Variants in BTD observed in about 807,000 individuals in gnomAD.
The protein encoded by BTD is biocytinase.
In BTD, 13 loss-of-function variants were observed where a neutral mutation model predicts 17.7. The ratio of observed to expected loss-of-function variants is 0.74; its 90% CI spans 0.48 to 1.17. The LOEUF (loss-of-function observed/expected upper bound fraction) is 1.17. BTD is among the 50% of genes most tolerant of loss of function. The pLI is 0.00. For synonymous variants in BTD, 240 were observed against 245.2 expected, an observed-to-expected ratio of 0.98 and a Z score of 0.20; for missense variants, 674 against 650.4, an observed-to-expected ratio of 1.04 and a Z score of -0.39.
intron 1 of BTD, among the ~76,000 whole-genome samples, chr3:15,629,386 C>G (rs1173130655): frequency 6.6e-6 from 1 of 152,204 alleles, no homozygotes; most frequent in Non-Finnish European, 1.5e-5. Flanking sequence ...TCTGTGTGTT[C>G]AAGCCTTCAG....
chr3:15,707,751 A>G (rs2071652193), intron 3 of BTD, among the ~76,000 whole-genome samples: 1 of 152,246 alleles, frequency 6.6e-6, no homozygotes, highest in South Asian at 2.1e-4. Flanking sequence ...GGTAGTAATA[A>G]CTATGATTTA....
upstream of BTD, chr3:15,601,619 G>T: frequency 1.9e-6 from 3 of 1,560,906 alleles, no homozygotes; most frequent in Non-Finnish European, 2.6e-6. Context: ...AGGAAGAGGC[G>T]GTCTAAATTC....
chr3:15,674,196 A>AG (rs1553573253), intron 3 of BTD, among the ~76,000 whole-genome samples: 1 of 130,170 alleles, frequency 7.7e-6, no homozygotes, highest in South Asian at 2.7e-4. Flanking sequence ...AAAAAAAAAA[A>AG]AAGAAGAAGA....
At chr3:15,602,785 C>G (rs186174564) in intron 1 of BTD, among the ~76,000 whole-genome samples, 1 of 152,100 alleles carries the variant, frequency 6.6e-6, no homozygotes, top group South Asian at 2.1e-4. Context: ...ACCCCTCAAC[C>G]CCACCCCAAG....
chr3:15,711,188 A>G, exon 4 of BTD: 1 of 1,589,062 alleles, frequency 6.3e-7, no homozygotes, highest in Middle Eastern at 1.7e-4. Context: ...TTTCTTAAAG[A>G]AATAAAAATA....
chr3:15,712,726 G>A (rs2072476136), exon 4 of BTD, among the ~76,000 whole-genome samples: 1 of 152,138 alleles, frequency 6.6e-6, no homozygotes, highest in African/African-American at 2.4e-5. Context: ...TTGCAAATAA[G>A]GAGAATGAAT....
chr3:15,669,923 C>T (rs1055197731), intron 3 of BTD: 16 of 177,604 alleles, frequency 9.0e-5, no homozygotes, highest in African/African-American at 3.8e-4. Flanking sequence ...AAATTTAAAT[C>T]TAGTGTCTTT....
At chr3:15,717,117 A>G (rs1481313686), downstream of BTD, among the ~76,000 whole-genome samples, 1 of 152,210 alleles carries the variant, frequency 6.6e-6, no homozygotes, top group Non-Finnish European at 1.5e-5. Context: ...CTCATAGCTA[A>G]TAAGTGATGA....
At position 15,645,239 on chromosome 3, in the gene BTD, C is replaced by T; in HGVS notation, c.1323C>T (p.Val441=). The T allele has an allele frequency of 6.2e-7, 1 of 1,614,170 alleles. No homozygotes were observed. Among genetic ancestry groups the T allele is most frequent in the Non-Finnish European group, 8.5e-7 (1 of 1,180,024 alleles). Residue 441 remains valine, a synonymous_variant, in exon 4 of 4, where the codon GTC becomes GTT. Coordinates refer to ENST00000643237, the MANE Select transcript of BTD (RefSeq NM_001370658.1). ...ACTACATCCAAGTGTGTGCCCTGGT[C>T]AGGTGTGGGGGTCTTGGCTTCGACA... ...GTYYIQVCAL[V]RCGGLGFDTC...
chr3:15,689,336 A>G (rs1213096656), intron 3 of BTD, among the ~76,000 whole-genome samples: 2 of 152,208 alleles, frequency 1.3e-5, no homozygotes, highest in Non-Finnish European at 2.9e-5. Context: ...TTCTGTCTGG[A>G]GAAATGCCTT....
At chr3:15,722,415 T>C (rs2073828210), downstream of BTD, among the ~76,000 whole-genome samples, 1 of 152,192 alleles carries the variant, frequency 6.6e-6, no homozygotes, top group African/African-American at 2.4e-5. Context: ...AAGGGAAATT[T>C]TGCCTTTAGA....
chr3:15,678,160 A>C (rs748128566), intron 3 of BTD: 2 of 1,527,694 alleles, frequency 1.3e-6, no homozygotes. Flanking sequence ...AGTTATACAT[A>C]AGTGATACAC....
exon 4 of BTD, among the ~76,000 whole-genome samples, chr3:15,711,799 G>T (rs886304762): frequency 1.3e-5 from 2 of 151,782 alleles, no homozygotes; most frequent in African/African-American, 4.8e-5. Flanking sequence ...CGATTCTCCT[G>T]CCTCAGCCTC....
chr3:15,641,078 G>A (rs978860449), intron 2 of BTD, among the ~76,000 whole-genome samples: 3 of 152,180 alleles, frequency 2.0e-5, no homozygotes, highest in East Asian at 1.9e-4. Flanking sequence ...TGATGCCCCA[G>A]CCCTGAGAGC....
chr3:15,652,801 A>G lies in BTD; in HGVS notation c.*7313A>G, dbSNP rs1199862068. ...CCTATACAGGTATCTCTCCCACTAT[A>G]TATATATCAAGTGCTATTAGTGGCT... On this transcript the variant is annotated 3_prime_UTR_variant, in exon 4 of 4. Transcript: ENST00000643237. 6.6e-6 allele frequency among the ~76,000 whole-genome samples: 1 copy of G among 152,166 alleles called. No homozygotes were observed. Among genetic ancestry groups the G allele is most frequent in the East Asian group, 1.9e-4 (1 of 5,186 alleles).
In BTD at chr3:15,646,696, T is replaced by A. The variant is rs1328513078; in HGVS notation, c.*1208T>A. ...TTAAGTACAGAATGGATAATTAGTC[T>A]TCAGTGATTTGCCTCTTAAATGTGG... is the stretch of plus-strand genomic sequence containing the variant. On this transcript the variant is annotated 3_prime_UTR_variant, in exon 4 of 4. Transcript: ENST00000643237. 6.6e-6 allele frequency: 1 copy of A among 152,258 alleles called. No homozygotes were observed. Among genetic ancestry groups the A allele is most frequent in the African/African-American group, 2.4e-5 (1 of 41,468 alleles). 9.4% of individuals were successfully genotyped at this position (152,258 alleles called of 1,614,324 possible). A position where few individuals can be genotyped will look rare whatever the true frequency, so the allele number is the denominator to read the frequency against.
Position 15,645,836 on chromosome 3 carries a change from GTTTTT to G in BTD, c.*361_*365del. Reference sequence around the variant, plus strand: ...CACATCCACAAAGCAGTGGCTTGGGGTTTTTTTTTTTTTTTTTATCTTGTTGATCA... The same window carrying G: ...CACATCCACAAAGCAGTGGCTTGGGGTTTTTTTTTTTTATCTTGTTGATCA... On this transcript the variant is annotated 3_prime_UTR_variant, in exon 4 of 4. Coordinates refer to ENST00000643237, the MANE Select transcript of BTD (RefSeq NM_001370658.1). The G allele has an allele frequency of 6.6e-6, 1 of 151,134 alleles. No individual in the cohort carries two copies. Among genetic ancestry groups the G allele is most frequent in the Non-Finnish European group, 1.4e-5 (1 of 73,606 alleles). The allele number at this position is 151,134 out of a possible 1,614,324, so 9.4% of individuals were successfully genotyped here. A position where few individuals can be genotyped will look rare whatever the true frequency, so the allele number is the denominator to read the frequency against.
At chr3:15,718,181 G>A (rs139310179) in intron 4 of BTD, among the ~76,000 whole-genome samples, 36 of 152,262 alleles carry the variant, frequency 2.4e-4, no homozygotes, top group Admixed American at 4.6e-4. Context: ...AGAGCTGGAA[G>A]GGATCTGAGA....
chr3:15,621,106 C>T (rs1359776664), intron 1 of BTD, among the ~76,000 whole-genome samples: 7 of 152,204 alleles, frequency 4.6e-5, no homozygotes, highest in Non-Finnish European at 1.0e-4. Context: ...TTCGTTCTCT[C>T]TTGTCTCTTG....
Sources: allele counts gnomAD v4.1 joint callset (sites outside exome capture counted in the v4.1 genomes callset), GRCh38; gene constraint gnomAD v4.1.1; transcripts MANE v1.5; gene names NCBI Gene and HGNC (gene_info 2026-07-23, HGNC 2026-07-21).